Variants in KIAA0930 observed in about 807,000 individuals in gnomAD.
The protein encoded by KIAA0930 is KIAA0930.
In KIAA0930, 24 loss-of-function variants were observed where a neutral mutation model predicts 43.9. The ratio of observed to expected loss-of-function variants is 0.55; its 90% CI spans 0.40 to 0.77. The LOEUF (loss-of-function observed/expected upper bound fraction) is 0.77. KIAA0930 is among the 30% of genes least tolerant of loss of function. The pLI is 0.00. For missense variants in KIAA0930, 461 were observed against 574.2 expected (o/e 0.80, Z 2.02); for synonymous variants, 259 against 216.4 (o/e 1.20, Z -1.73).
At position 45,199,854 on chromosome 22, in the gene KIAA0930, G is replaced by A; in HGVS notation, c.1015+19C>T. On this transcript the variant is annotated intron_variant, in intron 8 of 9. Coordinates refer to ENST00000336156, the MANE Select transcript of KIAA0930 (RefSeq NM_001009880.2). Reference sequence around the variant, plus strand: ...GACTGAAGGGCACGGGGACCCTAGGGCACGGAGTGGGGGGTCACCTCCACC... The same window carrying A: ...GACTGAAGGGCACGGGGACCCTAGGACACGGAGTGGGGGGTCACCTCCACC... 1 of 1,542,362 alleles carries A rather than the reference G, an allele frequency of 6.5e-7. No homozygotes were observed. The highest frequency in any genetic ancestry group is 8.8e-7 in the Non-Finnish European group (1 of 1,139,400).
At position 45,200,028 on chromosome 22, in the gene KIAA0930, G is replaced by A. The variant is rs910976542; in HGVS notation, c.860C>T (p.Ser287Phe). ...PASPMHERVT[S>F]FSTPPTPERN... ...TTCTGGGGTGGGGGGTGTGCTGAAG[G>A]AGGTCACCTGGGAACAAGCAGCCAA... Residue 287 changes from serine (S) to phenylalanine (F), a missense_variant, in exon 8 of 10, where the codon TCC (serine) becomes TTC (phenylalanine). Coordinates refer to ENST00000336156, the MANE Select transcript of KIAA0930 (RefSeq NM_001009880.2). 2 of 1,589,830 alleles carry A rather than the reference G, an allele frequency of 1.3e-6. No homozygotes were observed. Among genetic ancestry groups the A allele is most frequent in the Non-Finnish European group, 1.7e-6 (2 of 1,168,494 alleles).
At position 45,197,816 on chromosome 22, in the gene KIAA0930, G is replaced by A. The variant is rs2083550943; in HGVS notation, c.1148C>T (p.Thr383Met). Residue 383 changes from threonine to methionine, a missense_variant, in exon 9 of 10, where the codon ACG (threonine) becomes ATG (methionine). Coordinates refer to ENST00000336156, the MANE Select transcript of KIAA0930 (RefSeq NM_001009880.2). ...TGTTAAAATCCGATGCAGCGGCAACGTGACGTAGGTTAAGTGTGCATAGAG... is the reference window on the plus strand; with the variant it reads ...TGTTAAAATCCGATGCAGCGGCAACATGACGTAGGTTAAGTGTGCATAGAG... The part of the protein sequence containing the change: ...FLLYAHLTYV[T>M]LPLHRILTDI... 2 of 1,614,222 alleles carry A rather than the reference G, an allele frequency of 1.2e-6. No individual in the cohort carries two copies. Among genetic ancestry groups the A allele is most frequent in the Non-Finnish European group, 1.7e-6 (2 of 1,180,032 alleles).
chr22:45,233,471 G>A (rs1430298785), intron 1 of KIAA0930, among the ~76,000 whole-genome samples: 2 of 152,192 alleles, frequency 1.3e-5, no homozygotes, highest in African/African-American at 4.8e-5. Context: ...GGGTGGGAAA[G>A]CTCCCCTCAG....
chr22:45,203,004 G>T lies in KIAA0930; in HGVS notation c.838C>A (p.Pro280Thr). The T allele has an allele frequency of 6.2e-7, 1 of 1,609,742 alleles. No individual in the cohort carries two copies. The highest frequency in any genetic ancestry group is 8.5e-7 in the Non-Finnish European group (1 of 1,178,060). ...GTEEDSSPAS[P>T]MHERVTSFST... Reference sequence around the variant, plus strand: ...GCAGCCCTTACCCGCTCGTGCATGGGCGAAGCTGGGCTGGAGTCCTCTTCA... The same window carrying T: ...GCAGCCCTTACCCGCTCGTGCATGGTCGAAGCTGGGCTGGAGTCCTCTTCA... Residue 280 changes from proline to threonine, a missense_variant, in exon 7 of 10, where the codon CCC (proline) becomes ACC (threonine). Pro to Thr is a conservative substitution (Grantham distance 38). Transcript: ENST00000336156.
chr22:45,197,682 C>A, intron 9 of KIAA0930, 108 bp downstream of exon 9: 2 of 1,224,824 alleles, frequency 1.6e-6, no homozygotes, highest in Non-Finnish European at 2.3e-6. Context: ...CCCAACCAAC[C>A]GACAGGACAG....
In KIAA0930 at chr22:45,212,114, A is replaced by G; in HGVS notation, c.65-7T>C. ...CGGTCATCCTTGAAGCACCCTGCAG[A>G]GGGAGGCCAGACAGGAGTGAGGAAG... On this transcript the variant is annotated splice_region_variant and splice_polypyrimidine_tract_variant and intron_variant, in intron 1 of 9. Coordinates refer to ENST00000336156, the MANE Select transcript of KIAA0930 (RefSeq NM_001009880.2). 6.2e-7 allele frequency: 1 copy of G among 1,613,760 alleles called. No homozygotes were observed. Among genetic ancestry groups the G allele is most frequent in the Non-Finnish European group, 8.5e-7 (1 of 1,179,936 alleles).
rs1012718832 is a variant in KIAA0930 at position 45,193,531 on chromosome 22, T to C, written c.*3645A>G. ...CCTGGTTTGAGTGCAGGTACATTCT[T>C]TGGGGGAGGGCACCTCAGGAACATG... On this transcript the variant is annotated 3_prime_UTR_variant, in exon 10 of 10. Transcript: ENST00000336156. The C allele has an allele frequency of 1.3e-5, 2 of 152,190 alleles. No homozygotes were observed. Among genetic ancestry groups the C allele is most frequent in the African/African-American group, 4.8e-5 (2 of 41,448 alleles). 9.4% of individuals were successfully genotyped at this position (152,190 alleles called of 1,614,324 possible).
intron 1 of KIAA0930, among the ~76,000 whole-genome samples, chr22:45,212,806 G>A (rs376002722): frequency 2.6e-5 from 4 of 152,226 alleles, no homozygotes; most frequent in South Asian, 2.1e-4. Context: ...CCATTCCAGC[G>A]CTGCCGCTGG....
At chr22:45,227,270 G>A (rs1209933873) in intron 1 of KIAA0930, among the ~76,000 whole-genome samples, 2 of 152,086 alleles carry the variant, frequency 1.3e-5, no homozygotes, top group African/African-American at 4.8e-5. Context: ...TCCCCTGCTC[G>A]ATCTCATGCT....
At chr22:45,199,309 G>GA (rs2083565077) in intron 8 of KIAA0930, among the ~76,000 whole-genome samples, 2 of 152,180 alleles carry the variant, frequency 1.3e-5, no homozygotes, top group African/African-American at 4.8e-5. Context: ...GGACTAAGGG[G>GA]CATGGTAACA....
intron 1 of KIAA0930, chr22:45,212,352 C>A: frequency 1.9e-6 from 3 of 1,607,214 alleles, no homozygotes; most frequent in South Asian, 2.2e-5. Flanking sequence ...ATGCTCCCAG[C>A]CCCACAGCTG....
intron 1 of KIAA0930, among the ~76,000 whole-genome samples, chr22:45,228,773 A>AACCACCACCAC (rs1491236024): frequency 4.2e-5 from 1 of 23,654 alleles, no homozygotes; most frequent in Non-Finnish European, 7.6e-5. Context: ...ATCCCTCCCC[A>AACCACCACCAC]TCCCCCCCAA....
intron 2 of KIAA0930, among the ~76,000 whole-genome samples, chr22:45,208,741 G>C (rs1281700959): frequency 6.6e-6 from 1 of 152,224 alleles, no homozygotes; most frequent in African/African-American, 2.4e-5. Flanking sequence ...ACGTTATATT[G>C]AAAACAATCT....
At chr22:45,228,437 C>T (rs530275990) in intron 1 of KIAA0930, among the ~76,000 whole-genome samples, 6 of 152,288 alleles carry the variant, frequency 3.9e-5, no homozygotes, top group South Asian at 2.1e-4. Flanking sequence ...CTCCATGACA[C>T]GCTCTGAGGC....
chr22:45,221,564 T>C (rs2083767800), intron 1 of KIAA0930, among the ~76,000 whole-genome samples: 1 of 152,126 alleles, frequency 6.6e-6, no homozygotes, highest in Non-Finnish European at 1.5e-5. Context: ...ATGCTATACA[T>C]TTAGTTTCCA....
At chr22:45,199,089 G>A (rs1308356515) in intron 8 of KIAA0930, among the ~76,000 whole-genome samples, 2 of 152,186 alleles carry the variant, frequency 1.3e-5, no homozygotes, top group Admixed American at 6.5e-5. Context: ...TGTCTGTGAC[G>A]GCCACGCCTG....
intron 2 of KIAA0930, among the ~76,000 whole-genome samples, chr22:45,210,026 G>A (rs760362108): frequency 2.6e-5 from 4 of 151,998 alleles, no homozygotes; most frequent in Admixed American, 6.6e-5. Context: ...CCCCTACCCC[G>A]GCCTATCCAG....
At chr22:45,203,347 T>G (rs1036760156) in intron 6 of KIAA0930, among the ~76,000 whole-genome samples, 163 bp from the exon 7 acceptor site, 3 of 152,056 alleles carry the variant, frequency 2.0e-5, no homozygotes, top group African/African-American at 7.2e-5. Flanking sequence ...TGGACCCACA[T>G]CTCTGCCTGG....
rs2083507068 is a variant in KIAA0930 at position 45,193,363 on chromosome 22, T to TG, written c.*3812dup. The TG allele has an allele frequency of 6.6e-6, 1 of 152,256 alleles. No homozygotes were observed. Among genetic ancestry groups the TG allele is most frequent in the Admixed American group, 6.5e-5 (1 of 15,278 alleles). The allele number at this position is 152,256 out of a possible 1,614,324, so 9.4% of individuals were successfully genotyped here. A position where few individuals can be genotyped will look rare whatever the true frequency, so the allele number is the denominator to read the frequency against. On this transcript the variant is annotated 3_prime_UTR_variant, in exon 10 of 10. Coordinates refer to ENST00000336156, the MANE Select transcript of KIAA0930 (RefSeq NM_001009880.2). ...AACTTAAAACCACCATATTAGGACA[T>TG]GGTCCAGGCAGTCATTAGAATATAC...
Sources: gnomAD v4.1 joint callset for allele counts (sites outside exome capture counted in the v4.1 genomes callset) on GRCh38, gnomAD v4.1.1 for gene constraint, MANE v1.5 for transcripts, NCBI Gene and HGNC (gene_info 2026-07-23, HGNC 2026-07-21) for gene names.